MEGF10: variants seen among roughly 807,000 people sequenced by gnomAD.
MEGF10 encodes the protein multiple EGF like domains 10, also known as multiple epidermal growth factor-like domains protein 10.
Under a neutral mutation model 147.5 loss-of-function variants are expected in MEGF10, and 86 were observed. That is an observed-to-expected ratio of 0.58 (90% confidence interval 0.49 to 0.70). MEGF10 has a LOEUF of 0.70. Ranked by LOEUF, MEGF10 falls within the 30% of genes least tolerant of loss-of-function variation. The probability of loss-of-function intolerance (pLI) is 0.00; values close to 1 mark genes in which losing one functional copy is unlikely to be tolerated. For missense variants in MEGF10, 1,329 were observed against 1,487.3 expected, an observed-to-expected ratio of 0.89 and a Z score of 1.75; for synonymous variants, 478 against 525.5, an observed-to-expected ratio of 0.91 and a Z score of 1.24.
the MEGF10 span, among the ~76,000 whole-genome samples, chr5:127,275,959 T>C: frequency 6.6e-6 from 1 of 152,210 alleles, no homozygotes; most frequent in Admixed American, 6.5e-5. Context: ...TGACATCATC[T>C]AATCTAGCAG....
Position 127,303,728 on chromosome 5 carries a change from T to A in MEGF10, c.-19+12672T>A, listed in dbSNP as rs146923971. Among the ~76,000 whole-genome samples, 17 of 152,234 alleles carry A rather than the reference T, an allele frequency of 1.1e-4. No individual in the cohort carries two copies. The East Asian group carries it at 2.7e-3, about 24-fold the overall frequency. On this transcript the variant is annotated intron_variant, in intron 1 of 24. Transcript: ENST00000503335. ...GACAAATGTAGTTGAAAAGTTAAGG[T>A]GTGGATGTATTAGAATGTAGTGGGG...
chr5:127,354,038 A>G (rs1392464714), intron 4 of MEGF10, among the ~76,000 whole-genome samples: 1 of 152,248 alleles, frequency 6.6e-6, no homozygotes, highest in Non-Finnish European at 1.5e-5. Flanking sequence ...AAGGAGTGTG[A>G]CAATTGATTA....
chr5:127,260,752 AT>A, the MEGF10 span, among the ~76,000 whole-genome samples: 1,532 of 152,338 alleles, frequency 0.01, 25 homozygotes, highest in African/African-American at 0.035. Flanking sequence ...AGCAGAGTGG[AT>A]TTTAACAAAG....
At chr5:127,419,371 C>CATACTGGATGAGGGGCTTG in intron 11 of MEGF10, 131 bp downstream of exon 11, 2 of 1,103,154 alleles carry the variant, frequency 1.8e-6, no homozygotes, top group Non-Finnish European at 2.6e-6. Flanking sequence ...TCCGCAAGCC[C>CATACTGGATGAGGGGCTTG]CTCATCCAGT....
intron 5 of MEGF10, among the ~76,000 whole-genome samples, chr5:127,395,536 C>CTTTTTTTT (rs35926205): frequency 1.5e-5 from 1 of 65,574 alleles, no homozygotes; most frequent in African/African-American, 6.2e-5. Context: ...TGACTGATAT[C>CTTTTTTTT]TTTTTTTTTT....
At chr5:127,247,429 A>AATTT in the MEGF10 span, among the ~76,000 whole-genome samples, 1 of 62,910 alleles carries the variant, frequency 1.6e-5, no homozygotes, top group African/African-American at 7.2e-5. Flanking sequence ...GAAGAAGAAG[A>AATTT]AGAAGAAGAA....
intron 1 of MEGF10, among the ~76,000 whole-genome samples, chr5:127,317,007 C>T (rs945470689): frequency 7.9e-5 from 12 of 152,172 alleles, no homozygotes; most frequent in Non-Finnish European, 1.6e-4. Flanking sequence ...GAGTGAAAAC[C>T]TCTAATGTTT....
chr5:127,417,717 T>A lies in MEGF10; in HGVS notation c.1210T>A (p.Phe404Ile), dbSNP rs1378424989. The A allele has an allele frequency of 1.9e-6, 3 of 1,613,988 alleles. No homozygotes were observed. The African/African-American group carries it at 4.0e-5, about 22-fold the overall frequency. The change falls in exon 10 of 25, where the codon TTC becomes ATC. Residue 404 changes from phenylalanine (F) to isoleucine (I), a missense_variant. Around this residue, in one of 3 missense-constraint regions of MEGF10, gnomAD observed 980 missense variants for 1,085.9 expected, o/e 0.90. Transcript: ENST00000503335. ...CTGTAATGAGACATGTTCTCCTGGATTCTACGGGGAAGCTTGCCAGCAGAT... is the reference window on the plus strand; with the variant it reads ...CTGTAATGAGACATGTTCTCCTGGAATCTACGGGGAAGCTTGCCAGCAGAT... ...LYCNETCSPG[F>I]YGEACQQICS...
rs527269743 is a variant in MEGF10 at position 127,324,938 on chromosome 5, C to T, written c.-18-6353C>T. On this transcript the variant is annotated intron_variant, in intron 1 of 24. Transcript: ENST00000503335. ...TATTTACTCAGAAGCTTCCTTTTAT[C>T]CAGGTGTGATGCTGAGGGCTGGTCA... Among the ~76,000 whole-genome samples the T allele has an allele frequency of 6.6e-5, 10 of 152,272 alleles. No homozygotes were observed. In the East Asian group the frequency reaches 1.7e-3, roughly 26 times the overall value.
chr5:127,301,298 C>T (rs1336064755), intron 1 of MEGF10, among the ~76,000 whole-genome samples: 1 of 152,174 alleles, frequency 6.6e-6, no homozygotes, highest in East Asian at 1.9e-4. Flanking sequence ...ATATATTATA[C>T]TAAAGTGAGC....
At position 127,449,222 on chromosome 5, in the gene MEGF10, G is replaced by A. The variant is rs559266378; in HGVS notation, c.2980G>A (p.Gly994Ser). Residue 994 changes from glycine (G) to serine (S), a missense_variant and splice_region_variant, in exon 22 of 25, where the codon GGT (glycine) becomes AGT (serine). Coordinates refer to ENST00000503335, the MANE Select transcript of MEGF10 (RefSeq NM_001256545.2). Reference sequence around the variant, plus strand: ...ACATGGCGGCTACCTCAACGAGCTCGGTGAGTTCTCCCAACGCACGTCCCC... The same window carrying A: ...ACATGGCGGCTACCTCAACGAGCTCAGTGAGTTCTCCCAACGCACGTCCCC... ...WKHGGYLNEL[G>S]AFGLDRSYMG... is the part of the protein sequence containing the mutation. 3.1e-6 allele frequency: 5 copies of A among 1,613,296 alleles called. No individual in the cohort carries two copies. Among genetic ancestry groups the A allele is most frequent in the Non-Finnish European group, 3.4e-6 (4 of 1,179,728 alleles).
the MEGF10 span, among the ~76,000 whole-genome samples, chr5:127,270,627 A>G: frequency 2.6e-5 from 4 of 152,146 alleles, no homozygotes; most frequent in Admixed American, 6.5e-5. Context: ...CCCACACAAT[A>G]ATAATGGGAG....
chr5:127,270,897 A>C, the MEGF10 span, among the ~76,000 whole-genome samples: 9 of 152,346 alleles, frequency 5.9e-5, no homozygotes, highest in Admixed American at 2.0e-4. Flanking sequence ...AAAGGACATG[A>C]TCGCATTTCT....
the MEGF10 span, among the ~76,000 whole-genome samples, chr5:127,275,026 G>T: frequency 6.6e-6 from 1 of 152,160 alleles, no homozygotes; most frequent in East Asian, 1.9e-4. Context: ...CATAGTGCTT[G>T]TTGGTAGTTT....
chr5:127,450,059 C>A (rs1766096671), intron 22 of MEGF10, among the ~76,000 whole-genome samples: 1 of 152,090 alleles, frequency 6.6e-6, no homozygotes, highest in Non-Finnish European at 1.5e-5. Flanking sequence ...ATAAAAAAAT[C>A]TCTTTAATGT....
At chr5:127,434,473 A>G (rs2127002048) in intron 14 of MEGF10, among the ~76,000 whole-genome samples, 1 of 152,350 alleles carries the variant, frequency 6.6e-6, no homozygotes, top group South Asian at 2.1e-4. Context: ...GCTTGCTCTC[A>G]AGAAACTCAG....
intron 1 of MEGF10, among the ~76,000 whole-genome samples, chr5:127,312,848 C>T (rs1760352053): frequency 6.6e-6 from 1 of 152,072 alleles, no homozygotes; most frequent in African/African-American, 2.4e-5. Context: ...AGAAAGGTTT[C>T]AGATAACCTG....
At chr5:127,336,688 T>C (rs971206457) in intron 2 of MEGF10, among the ~76,000 whole-genome samples, 8 of 152,132 alleles carry the variant, frequency 5.3e-5, no homozygotes, top group Non-Finnish European at 8.8e-5. Context: ...ACATGGCCTT[T>C]GAAATTTTCT....
chr5:127,288,616 C>A (rs1164465618), upstream of MEGF10, among the ~76,000 whole-genome samples: 1 of 152,120 alleles, frequency 6.6e-6, no homozygotes, highest in Non-Finnish European at 1.5e-5. Context: ...GGATGTGAAG[C>A]AATTATCATA....
Sources: allele counts gnomAD v4.1 joint callset (sites outside exome capture counted in the v4.1 genomes callset), GRCh38; gene constraint gnomAD v4.1.1; regional missense constraint gnomAD v4.1.1; transcripts MANE v1.5; gene names NCBI Gene and HGNC (gene_info 2026-07-23, HGNC 2026-07-21).